The following IPCEF1 variants were observed in gnomAD, a reference collection of about 807,000 sequenced individuals.
The protein encoded by IPCEF1 is interactor protein for cytohesin exchange factors 1.
Under a neutral mutation model 50.9 loss-of-function variants are expected in IPCEF1, and 31 were observed. The ratio of observed to expected loss-of-function variants is 0.61; its 90% CI spans 0.46 to 0.82. The LOEUF is 0.82. Among genes scored for constraint, IPCEF1 ranks in the 40% least tolerant of loss-of-function variants. IPCEF1 has a pLI of 0.00. For missense variants in IPCEF1, 458 were observed against 514.0 expected (o/e 0.89, Z 1.05); for synonymous variants, 181 against 192.0 (o/e 0.94, Z 0.47).
At chr6:154,249,248 C>T (rs1251226047) in intron 3 of IPCEF1, among the ~76,000 whole-genome samples, 1 of 152,214 alleles carries the variant, frequency 6.6e-6, no homozygotes, top group Non-Finnish European at 1.5e-5. Flanking sequence ...AAGTTCCTAT[C>T]ATTCCCTCAA....
At chr6:154,301,903 G>T (rs572004465) in intron 1 of IPCEF1, among the ~76,000 whole-genome samples, 1 of 152,144 alleles carries the variant, frequency 6.6e-6, no homozygotes, top group African/African-American at 2.4e-5. Flanking sequence ...CTAATTGAAG[G>T]CTTGAAGGCA....
intron 1 of IPCEF1, among the ~76,000 whole-genome samples, chr6:154,351,528 G>A (rs1009272914): frequency 6.6e-6 from 1 of 152,196 alleles, no homozygotes; most frequent in Non-Finnish European, 1.5e-5. Context: ...TCACTTGGGC[G>A]ATTTTAAAGT....
intron 5 of IPCEF1, among the ~76,000 whole-genome samples, chr6:154,230,505 GA>G (rs2128625770): frequency 6.6e-6 from 1 of 152,194 alleles, no homozygotes; most frequent in African/African-American, 2.4e-5. Context: ...AAGTATTTTG[GA>G]AAATATACAA....
In IPCEF1 at chr6:154,317,653, C is replaced by T. The variant is rs548164747; in HGVS notation, c.-61-27897G>A. ...TAAAACAGTGCTCAACATAGTGAATCATTAGGAAAATGCCATAAAACCACA... is the reference window on the plus strand; with the variant it reads ...TAAAACAGTGCTCAACATAGTGAATTATTAGGAAAATGCCATAAAACCACA... On this transcript the variant is annotated intron_variant, in intron 1 of 11. Coordinates refer to ENST00000367220, the MANE Select transcript of IPCEF1 (RefSeq NM_001130700.2). Among the ~76,000 whole-genome samples, 9 of 147,648 alleles carry T rather than the reference C, an allele frequency of 6.1e-5. No homozygotes were observed. The South Asian group carries it at 1.5e-3, about 25-fold the overall frequency.
chr6:154,275,118 C>T (rs1782022722), intron 2 of IPCEF1, among the ~76,000 whole-genome samples: 1 of 152,202 alleles, frequency 6.6e-6, no homozygotes, highest in African/African-American at 2.4e-5. Flanking sequence ...CACACCATCA[C>T]ACCTGCCTCT....
chr6:154,297,098 C>A (rs36007964), intron 1 of IPCEF1, among the ~76,000 whole-genome samples: 10,656 of 151,954 alleles, frequency 0.07, 445 homozygotes, highest in Middle Eastern at 0.14. Context: ...CCCAGCCTGG[C>A]ATGATCATGG....
chr6:154,278,635 C>G (rs759830201), intron 2 of IPCEF1, among the ~76,000 whole-genome samples: 1 of 152,054 alleles, frequency 6.6e-6, no homozygotes. Flanking sequence ...CATGTTGAAA[C>G]CTTTTCCTTT....
chr6:154,323,128 C>T (rs1378490305), intron 1 of IPCEF1, among the ~76,000 whole-genome samples: 1 of 152,128 alleles, frequency 6.6e-6, no homozygotes, highest in Non-Finnish European at 1.5e-5. Context: ...CTTAGATACC[C>T]TGCCCAGTTT....
chr6:154,340,752 G>A (rs1783894903), intron 1 of IPCEF1, among the ~76,000 whole-genome samples: 2 of 151,860 alleles, frequency 1.3e-5, no homozygotes, highest in South Asian at 4.2e-4. Context: ...AGGCGTGGTG[G>A]CACATACCTG....
intron 3 of IPCEF1, among the ~76,000 whole-genome samples, chr6:154,250,465 T>C (rs745522417): frequency 4.6e-5 from 7 of 152,236 alleles, no homozygotes; most frequent in Non-Finnish European, 1.0e-4. Flanking sequence ...TGAGGGGAAA[T>C]TTTTCTTTGA....
intron 9 of IPCEF1, among the ~76,000 whole-genome samples, chr6:154,209,041 T>C (rs764412872): frequency 6.6e-6 from 1 of 152,236 alleles, no homozygotes; most frequent in Non-Finnish European, 1.5e-5. Flanking sequence ...ACATGTTCTT[T>C]ATTATCTCGT....
At chr6:154,232,818 A>ATG (rs752291016) in intron 5 of IPCEF1, among the ~76,000 whole-genome samples, 40 of 152,156 alleles carry the variant, frequency 2.6e-4, no homozygotes, top group Non-Finnish European at 5.4e-4. Context: ...ATTAACATAG[A>ATG]TGTGTGTAAT....
At chr6:154,268,648 G>A (rs1157403677) in intron 2 of IPCEF1, among the ~76,000 whole-genome samples, 2 of 151,954 alleles carry the variant, frequency 1.3e-5, no homozygotes, top group Non-Finnish European at 2.9e-5. Context: ...GATCAAAATT[G>A]TGAAAACTTC....
intron 1 of IPCEF1, among the ~76,000 whole-genome samples, chr6:154,303,798 G>T (rs1353743322): frequency 6.6e-6 from 1 of 152,174 alleles, no homozygotes; most frequent in Non-Finnish European, 1.5e-5. Context: ...TGGTGCACCT[G>T]TGGCCCTAAT....
At chr6:154,200,262 G>A (rs1237646034) in intron 9 of IPCEF1, among the ~76,000 whole-genome samples, 1 of 152,018 alleles carries the variant, frequency 6.6e-6, no homozygotes, top group Non-Finnish European at 1.5e-5. Flanking sequence ...ACTGTTCTAG[G>A]ATCTGAAAAA....
At chr6:154,340,630 A>C (rs1469997906) in intron 1 of IPCEF1, among the ~76,000 whole-genome samples, 1 of 151,746 alleles carries the variant, frequency 6.6e-6, no homozygotes, top group Non-Finnish European at 1.5e-5. Context: ...TCACGCCTGT[A>C]ATCCCAGCAC....
chr6:154,331,056 C>G (rs765958601), intron 1 of IPCEF1, among the ~76,000 whole-genome samples: 2 of 152,062 alleles, frequency 1.3e-5, no homozygotes, highest in East Asian at 3.9e-4. Flanking sequence ...CACTTGAGAT[C>G]AGGAGTTTGA....
intron 9 of IPCEF1, among the ~76,000 whole-genome samples, chr6:154,212,554 C>T (rs901919500): frequency 6.6e-6 from 1 of 152,188 alleles, no homozygotes; most frequent in African/African-American, 2.4e-5. Flanking sequence ...GGTACATCTT[C>T]GGGTCACACA....
intron 9 of IPCEF1, among the ~76,000 whole-genome samples, chr6:154,200,800 A>G (rs1444250070): frequency 1.3e-5 from 2 of 151,980 alleles, no homozygotes; most frequent in African/African-American, 4.8e-5. Flanking sequence ...TCGCTCACAT[A>G]CTCCTTAGTG....
Sources: allele counts gnomAD v4.1 joint callset (sites outside exome capture counted in the v4.1 genomes callset), GRCh38; gene constraint gnomAD v4.1.1; transcripts MANE v1.5; gene names NCBI Gene and HGNC (gene_info 2026-07-23, HGNC 2026-07-21).